Variants in ATP1B1 observed in about 807,000 individuals in gnomAD.
The protein encoded by ATP1B1 is sodium/potassium-transporting ATPase subunit beta-1.
A neutral mutation model predicts 39.6 loss-of-function variants in ATP1B1; 3 were observed. That is an observed-to-expected ratio of 0.08 (90% CI 0.03 to 0.20). The LOEUF (loss-of-function observed/expected upper bound fraction) is 0.20. Ranked by LOEUF, ATP1B1 falls within the 10% of genes least tolerant of loss-of-function variation. The probability of loss-of-function intolerance (pLI) is 1.00; values close to 1 mark genes in which losing one functional copy is unlikely to be tolerated. For missense variants in ATP1B1, 216 were observed against 371.1 expected, an observed-to-expected ratio of 0.58 and a Z score of 3.43; for synonymous variants, 139 against 135.0, an observed-to-expected ratio of 1.03 and a Z score of -0.20.
chr1:169,109,174 A>G (rs1161221193), intron 1 of ATP1B1, among the ~76,000 whole-genome samples: 1 of 152,234 alleles, frequency 6.6e-6, no homozygotes, highest in African/African-American at 2.4e-5. Flanking sequence ...TTTTATATTT[A>G]CAGCTAGGCC....
In ATP1B1 at chr1:169,106,967, C is replaced by G. The variant is rs752511552; in HGVS notation, c.97+41C>G. On this transcript the variant is annotated intron_variant, in intron 1 of 5. Coordinates refer to ENST00000367815, the MANE Select transcript of ATP1B1 (RefSeq NM_001677.4). ...GCAGCTCCCGGCCGCCGCGTCTGAT[C>G]TTTCCCGGGCGGCGCATCCCCTGCG... The G allele has an allele frequency of 2.0e-6, 3 of 1,533,812 alleles. No homozygotes were observed. The East Asian group carries it at 7.9e-5, about 40-fold the overall frequency.
intron 1 of ATP1B1, among the ~76,000 whole-genome samples, chr1:169,108,734 A>G (rs1456675301): frequency 6.6e-6 from 1 of 152,194 alleles, no homozygotes; most frequent in Non-Finnish European, 1.5e-5. Context: ...GTCAATTTTT[A>G]TGTCTTGATA....
At chr1:169,116,414 C>T (rs1657848656) in intron 2 of ATP1B1, among the ~76,000 whole-genome samples, 1 of 152,186 alleles carries the variant, frequency 6.6e-6, no homozygotes, top group Non-Finnish European at 1.5e-5. Flanking sequence ...CTAGCAGACA[C>T]ATTTTCAAAG....
intron 4 of ATP1B1, 46 bp from the exon 5 acceptor site, chr1:169,129,963 TA>T (rs1658170013): frequency 6.3e-7 from 1 of 1,585,474 alleles, no homozygotes; most frequent in African/African-American, 1.3e-5. Context: ...TTCAGAAACT[TA>T]AGAAATCATT....
At chr1:169,122,971 C>A (rs564423325) in intron 2 of ATP1B1, among the ~76,000 whole-genome samples, 1 of 152,286 alleles carries the variant, frequency 6.6e-6, no homozygotes, top group African/African-American at 2.4e-5. Context: ...GTCTTCCTCT[C>A]TATCCCTTCC....
intron 4 of ATP1B1, among the ~76,000 whole-genome samples, chr1:169,129,349 C>T (rs796545104): frequency 6.6e-6 from 1 of 152,294 alleles, no homozygotes; most frequent in African/African-American, 2.4e-5. Flanking sequence ...AGAGGAGGCT[C>T]TGGATATTTC....
chr1:169,130,187 TAGA>T, intron 5 of ATP1B1, 97 bp downstream of exon 5: 1 of 1,048,946 alleles, frequency 9.5e-7, no homozygotes, highest in South Asian at 1.5e-5. Flanking sequence ...AGAATTTTAA[TAGA>T]AGAAATAAGA....
intron 2 of ATP1B1, among the ~76,000 whole-genome samples, chr1:169,111,736 G>A (rs1394824081): frequency 6.6e-6 from 1 of 152,122 alleles, no homozygotes; most frequent in Non-Finnish European, 1.5e-5. Context: ...AAGCGTCCTG[G>A]TTCTTGGCCA....
intron 2 of ATP1B1, among the ~76,000 whole-genome samples, chr1:169,113,575 A>G (rs1455035406): frequency 6.6e-6 from 1 of 152,230 alleles, no homozygotes; most frequent in South Asian, 2.1e-4. Flanking sequence ...AAAGGGCCCA[A>G]CCTTGTAAGT....
At chr1:169,128,653 A>C (rs1571228205) in intron 4 of ATP1B1, among the ~76,000 whole-genome samples, 1 of 152,358 alleles carries the variant, frequency 6.6e-6, no homozygotes, top group Middle Eastern at 3.4e-3. Context: ...GCTGGGGAAT[A>C]CTTCACTGAG....
At chr1:169,114,472 T>C (rs527443226) in intron 2 of ATP1B1, among the ~76,000 whole-genome samples, 184 of 152,302 alleles carry the variant, frequency 1.2e-3, no homozygotes, top group African/African-American at 4.1e-3. Flanking sequence ...GACTGCCCTT[T>C]GTACACCGGA....
intron 2 of ATP1B1, among the ~76,000 whole-genome samples, chr1:169,121,873 G>C (rs1657986429): frequency 6.6e-6 from 1 of 152,126 alleles, no homozygotes; most frequent in Non-Finnish European, 1.5e-5. Context: ...TTGCATAATT[G>C]TTGTTTATCA....
chr1:169,110,382 G>A (rs556954345), intron 1 of ATP1B1, among the ~76,000 whole-genome samples: 3 of 152,182 alleles, frequency 2.0e-5, no homozygotes, highest in East Asian at 1.9e-4. Context: ...TTGTGCAGTC[G>A]TGCTTCTGAC....
intron 1 of ATP1B1, chr1:169,110,680 A>C (rs1466015660): frequency 7.8e-7 from 1 of 1,285,016 alleles, no homozygotes; most frequent in South Asian, 1.2e-5. Flanking sequence ...TTCTTGTTCC[A>C]GTTCCAGAAG....
intron 2 of ATP1B1, among the ~76,000 whole-genome samples, chr1:169,113,140 A>G (rs1274546008): frequency 1.3e-5 from 2 of 151,658 alleles, no homozygotes; most frequent in Non-Finnish European, 2.9e-5. Context: ...ATCTCAGCTC[A>G]CTGCAGTCTC....
intron 5 of ATP1B1, 118 bp downstream of exon 5, chr1:169,130,208 C>A: frequency 2.3e-6 from 2 of 872,214 alleles, no homozygotes; most frequent in Non-Finnish European, 3.5e-6. Context: ...AGAAACATTG[C>A]TTTCAAGTAT....
chr1:169,118,647 G>A (rs1468170906), intron 2 of ATP1B1, among the ~76,000 whole-genome samples: 2 of 152,162 alleles, frequency 1.3e-5, no homozygotes, highest in East Asian at 3.8e-4. Flanking sequence ...ATATATGTGC[G>A]TATGCATACA....
intron 2 of ATP1B1, among the ~76,000 whole-genome samples, chr1:169,112,031 C>A (rs1657740044): frequency 6.6e-6 from 1 of 152,176 alleles, no homozygotes; most frequent in African/African-American, 2.4e-5. Flanking sequence ...CTTTAGGGGT[C>A]TATTGTCCCA....
intron 3 of ATP1B1, among the ~76,000 whole-genome samples, chr1:169,126,586 CTGTAGTCCCAGCTA>C (rs113721238): frequency 1.1e-3 from 174 of 152,296 alleles, no homozygotes; most frequent in African/African-American, 4.0e-3. Flanking sequence ...TGGCACACGC[CTGTAGTCCCAGCTA>C]CTCAGGATGC....
Sources: allele counts gnomAD v4.1 joint callset (sites outside exome capture counted in the v4.1 genomes callset), GRCh38; gene constraint gnomAD v4.1.1; transcripts MANE v1.5; gene names NCBI Gene and HGNC (gene_info 2026-07-23, HGNC 2026-07-21).